ALK: variants seen among roughly 807,000 people sequenced by gnomAD.
ALK encodes ALK receptor tyrosine kinase.
Under a neutral mutation model 163.1 loss-of-function variants are expected in ALK, and 74 were observed. The observed-to-expected ratio is 0.45, with a 90% CI of 0.38 to 0.55. The LOEUF (loss-of-function observed/expected upper bound fraction) is 0.55. ALK is among the 20% of genes least tolerant of loss of function. ALK has a pLI of 0.00. For missense variants in ALK, 2,063 were observed against 2,105.3 expected (o/e 0.98, Z 0.39); for synonymous variants, 960 against 843.2 (o/e 1.14, Z -2.40).
intron 4 of ALK, among the ~76,000 whole-genome samples, chr2:29,472,491 T>A (rs747475513): frequency 2.6e-5 from 4 of 152,212 alleles, no homozygotes; most frequent in Non-Finnish European, 5.9e-5. Context: ...TACTTAATGA[T>A]GAAATATTGA....
intron 26 of ALK, among the ~76,000 whole-genome samples, chr2:29,199,749 G>A (rs1354989180): frequency 2.6e-5 from 4 of 151,764 alleles, no homozygotes; most frequent in Non-Finnish European, 1.5e-5. Context: ...TGAATTCTTC[G>A]TGTTCTAAAA....
At chr2:29,903,184 C>T (rs187466720) in intron 1 of ALK, among the ~76,000 whole-genome samples, 31 of 152,138 alleles carry the variant, frequency 2.0e-4, no homozygotes, top group Admixed American at 1.2e-3. Flanking sequence ...AAGTCCTGAA[C>T]GCATGGAAAG....
chr2:29,427,161 G>C (rs868837826), intron 4 of ALK, among the ~76,000 whole-genome samples: 201 of 151,948 alleles, frequency 1.3e-3, no homozygotes, highest in African/African-American at 4.7e-3. Flanking sequence ...AAGGATTGGG[G>C]GGGGCAGAAA....
At chr2:29,896,402 T>C (rs966690698) in intron 1 of ALK, among the ~76,000 whole-genome samples, 5 of 152,166 alleles carry the variant, frequency 3.3e-5, no homozygotes, top group African/African-American at 1.2e-4. Context: ...TGACTGCATT[T>C]GGAGATCCAG....
chr2:29,223,410 G>C lies in ALK; in HGVS notation c.3291C>G (p.Cys1097Trp), dbSNP rs370170353. 1 of 1,614,222 alleles carries C rather than the reference G, an allele frequency of 6.2e-7. No individual in the cohort carries two copies. Among genetic ancestry groups the C allele is most frequent in the South Asian group, 1.1e-5 (1 of 91,086 alleles). Residue 1097 changes from cysteine (C) to tryptophan (W), a missense_variant, in exon 20 of 29, where the codon TGC (cysteine) becomes TGG (tryptophan). Cys to Trp is a radical substitution (Grantham distance 215). Around this residue, in one of 5 missense-constraint regions of ALK, gnomAD observed 575 missense variants for 626.6 expected, o/e 0.92. Coordinates refer to ENST00000389048, the MANE Select transcript of ALK (RefSeq NM_004304.5). ...TGATGGAGGAGGTCTTGCCAGCAAA[G>C]CAGTAGTTGGGGTTGTAGTCGGTCA... ...TIMTDYNPNYCFAGKTSSISD... is the reference protein window; with the variant it reads ...TIMTDYNPNYWFAGKTSSISD...
intron 4 of ALK, among the ~76,000 whole-genome samples, chr2:29,440,856 A>G (rs1055257124): frequency 4.6e-5 from 7 of 152,246 alleles, no homozygotes; most frequent in African/African-American, 1.7e-4. Flanking sequence ...ATATGAGATC[A>G]TTTAAATTAT....
intron 1 of ALK, among the ~76,000 whole-genome samples, chr2:29,801,050 T>G (rs1216084503): frequency 6.6e-6 from 1 of 151,682 alleles, no homozygotes; most frequent in Non-Finnish European, 1.5e-5. Flanking sequence ...CTGAAGCAGC[T>G]CCCCCAACCT....
At chr2:29,864,350 C>T (rs10865515) in intron 1 of ALK, among the ~76,000 whole-genome samples, 118,546 of 152,184 alleles carry the variant, frequency 0.78, 46,521 homozygotes, top group Non-Finnish European at 0.83. Flanking sequence ...TCAGCTTCCT[C>T]CTCTCTTTTG....
At chr2:29,393,366 C>T (rs746143062) in intron 4 of ALK, among the ~76,000 whole-genome samples, 1 of 152,198 alleles carries the variant, frequency 6.6e-6, no homozygotes, top group Non-Finnish European at 1.5e-5. Context: ...TAGGAACTAG[C>T]ACCCCTCTCC....
At chr2:29,272,185 G>GGGGAGAGAGAGA (rs1553402257) in intron 11 of ALK, among the ~76,000 whole-genome samples, 1 of 145,154 alleles carries the variant, frequency 6.9e-6, no homozygotes, top group African/African-American at 2.5e-5. Flanking sequence ...GTCGGGTGAG[G>GGGGAGAGAGAGA]GAGAGAGAGA....
intron 1 of ALK, among the ~76,000 whole-genome samples, chr2:29,781,513 T>A (rs1681330671): frequency 6.6e-6 from 1 of 152,206 alleles, no homozygotes; most frequent in Non-Finnish European, 1.5e-5. Context: ...ATAGGCACAC[T>A]TTTTAAGAAA....
At chr2:29,518,655 G>A (rs888878802) in intron 4 of ALK, among the ~76,000 whole-genome samples, 2 of 152,186 alleles carry the variant, frequency 1.3e-5, no homozygotes, top group Non-Finnish European at 2.9e-5. Flanking sequence ...CCCTTTGCTG[G>A]TAAGAATCCC....
intron 1 of ALK, among the ~76,000 whole-genome samples, chr2:29,718,342 ACCTCAT>A (rs1439392582): frequency 6.6e-6 from 1 of 152,242 alleles, no homozygotes; most frequent in Non-Finnish European, 1.5e-5. Flanking sequence ...CCTTAGCAGC[ACCTCAT>A]GTGGATTTTG....
At chr2:29,696,258 A>C (rs186796167) in intron 2 of ALK, among the ~76,000 whole-genome samples, 14 of 152,318 alleles carry the variant, frequency 9.2e-5, no homozygotes, top group Non-Finnish European at 1.6e-4. Context: ...GCTGGAAACC[A>C]TCATTCTCAG....
chr2:29,397,369 C>T (rs79595277), intron 4 of ALK, among the ~76,000 whole-genome samples: 7,378 of 152,192 alleles, frequency 0.048, 574 homozygotes, highest in African/African-American at 0.17. Flanking sequence ...AGCACAGTGG[C>T]ATGGAAGAGA....
chr2:29,516,013 C>G (rs1202531398), intron 4 of ALK, among the ~76,000 whole-genome samples: 1 of 152,090 alleles, frequency 6.6e-6, no homozygotes, highest in Non-Finnish European at 1.5e-5. Flanking sequence ...AAGGTGAGTT[C>G]TGGGTCCAGT....
chr2:29,272,950 T>C (rs76533309), intron 11 of ALK, among the ~76,000 whole-genome samples: 8,037 of 152,334 alleles, frequency 0.053, 251 homozygotes, highest in Middle Eastern at 0.078. Flanking sequence ...CTCATCCCTA[T>C]AATGGTAAAA....
chr2:29,305,077 G>T (rs1666466880), intron 8 of ALK, among the ~76,000 whole-genome samples: 3 of 152,190 alleles, frequency 2.0e-5, no homozygotes, highest in Admixed American at 2.0e-4. Flanking sequence ...GGGGAGCTGG[G>T]TTACTTAGTG....
In ALK at chr2:29,583,050, G is replaced by GT. The variant is rs773811258; in HGVS notation, c.953-50935dup. ...GCTAACTTTTGTTTTTTGTTTTTTT[G>GT]TTTTTTTTAGTAAAGATGGGATTTT... On this transcript the variant is annotated intron_variant, in intron 3 of 28. Transcript: ENST00000389048. Among the ~76,000 whole-genome samples the GT allele has an allele frequency of 1.1e-3, 69 of 63,000 alleles. 4 individuals are homozygous for GT. The highest frequency in any genetic ancestry group is 1.7e-3 in the South Asian group (4 of 2,424). 41.3% of individuals were successfully genotyped at this position (63,000 alleles called of 152,430 possible).
Sources: gnomAD v4.1 joint callset for allele counts (sites outside exome capture counted in the v4.1 genomes callset) on GRCh38, gnomAD v4.1.1 for gene constraint, gnomAD v4.1.1 regional missense constraint, MANE v1.5 for transcripts, NCBI Gene and HGNC (gene_info 2026-07-23, HGNC 2026-07-21) for gene names.